Variants in KRT26 observed in about 807,000 individuals in gnomAD.
KRT26 encodes keratin 26, also known as keratin, type I cytoskeletal 26.
Under a neutral mutation model 46.1 loss-of-function variants are expected in KRT26, and 45 were observed. The ratio of observed to expected loss-of-function variants is 0.98; its 90% confidence interval spans 0.77 to 1.25. KRT26 has a LOEUF of 1.25. KRT26 is among the 50% of genes most tolerant of loss of function. The pLI, the probability that KRT26 is intolerant of heterozygous loss-of-function variation, is 0.00. For synonymous variants in KRT26, 191 were observed against 209.9 expected, an observed-to-expected ratio of 0.91 and a Z score of 0.78; for missense variants, 582 against 560.1, an observed-to-expected ratio of 1.04 and a Z score of -0.39.
At chr17:40,766,314 T>A in exon 8 of KRT26, 1 of 394,380 alleles carries the variant, frequency 2.5e-6, no homozygotes, top group Non-Finnish European at 4.4e-6. Context: ...CAGAGCAGGA[T>A]TTTTCTACTC....
chr17:40,769,976 G>A (rs1177995217), exon 4 of KRT26: 2 of 1,614,120 alleles, frequency 1.2e-6, no homozygotes, highest in East Asian at 2.2e-5. Context: ...CGTTGAACCA[G>A]GCTTCAGCAT....
At chr17:40,770,371 G>C (rs1460150792) in exon 3 of KRT26, 3 of 1,612,042 alleles carry the variant, frequency 1.9e-6, no homozygotes, top group Non-Finnish European at 2.5e-6. Flanking sequence ...ACTGGTGTCG[G>C]CCTCAACACT....
At position 40,771,575 on chromosome 17, in the gene KRT26, C is replaced by T. The variant is rs113893129; in HGVS notation, c.441+98G>A. ...GGAAATACAGAGTGAACAAATCTTACATCACATAAATTTGTTAGGCACATT... is the reference window on the plus strand; with the variant it reads ...GGAAATACAGAGTGAACAAATCTTATATCACATAAATTTGTTAGGCACATT... On this transcript the variant is annotated intron_variant, in intron 1 of 7. Transcript: ENST00000335552. 3.8e-5 allele frequency: 40 copies of T among 1,055,100 alleles called. No homozygotes were observed. In the African/African-American group the frequency reaches 4.8e-4, roughly 13 times the overall value. 65.4% of individuals were successfully genotyped at this position (1,055,100 alleles called of 1,614,324 possible). A position where few individuals can be genotyped will look rare whatever the true frequency, so the allele number is the denominator to read the frequency against.
chr17:40,767,651 T>C (rs1451390764), exon 7 of KRT26: 6 of 1,603,272 alleles, frequency 3.7e-6, no homozygotes, highest in Non-Finnish European at 5.1e-6. Context: ...GGATTTGCTT[T>C]TTCTGTGAAG....
intron 2 of KRT26, 79 bp from the exon 3 acceptor site, chr17:40,770,488 T>G: frequency 1.7e-6 from 2 of 1,153,648 alleles, no homozygotes; most frequent in South Asian, 3.0e-5. Context: ...TTTCATATGC[T>G]GAAAGATATG....
intron 5 of KRT26, 118 bp from the exon 6 acceptor site, chr17:40,769,214 G>C (rs2038197308): frequency 6.2e-6 from 4 of 643,458 alleles, no homozygotes; most frequent in South Asian, 2.2e-5. Flanking sequence ...GCTGAGTGCA[G>C]TGGCATGATC....
At chr17:40,770,015 A>G (rs2038207609) in exon 4 of KRT26, 2 of 1,614,156 alleles carry the variant, frequency 1.2e-6, no homozygotes, top group Non-Finnish European at 1.7e-6. Context: ...CCAAGTCCTC[A>G]TACTCAGCCC....
chr17:40,771,412 T>A (rs951880607), intron 1 of KRT26, among the ~76,000 whole-genome samples, 176 bp from the exon 2 acceptor site: 1 of 152,264 alleles, frequency 6.6e-6, no homozygotes, highest in Non-Finnish European at 1.5e-5. Context: ...AAGAGCCACA[T>A]AGATACTTTT....
chr17:40,771,662 C>T lies in KRT26; in HGVS notation c.441+11G>A, dbSNP rs765184090. 2.1e-5 allele frequency: 34 copies of T among 1,597,000 alleles called. No homozygotes were observed. Among genetic ancestry groups the T allele is most frequent in the Admixed American group, 2.1e-4 (12 of 58,280 alleles). Reference sequence around the variant, plus strand: ...GTCTGTAGTAAAAGTATGCAAATCCCTATTTCTTACCTGCCTTTTAAGATC... The same window carrying T: ...GTCTGTAGTAAAAGTATGCAAATCCTTATTTCTTACCTGCCTTTTAAGATC... On this transcript the variant is annotated intron_variant, in intron 1 of 7. Transcript: ENST00000335552.
intron 3 of KRT26, 42 bp downstream of exon 3, chr17:40,770,211 G>A (rs2038210528): frequency 6.2e-7 from 1 of 1,613,636 alleles, no homozygotes; most frequent in African/African-American, 1.3e-5. Flanking sequence ...CTTCAAGAAG[G>A]AAATTAGAAA....
At chr17:40,766,758 GAGA>G in intron 7 of KRT26, 92 bp from the exon 8 acceptor site, 1 of 903,860 alleles carries the variant, frequency 1.1e-6, no homozygotes, top group East Asian at 2.6e-5. Flanking sequence ...TTGTTTTTTT[GAGA>G]AGGAGTCTCG....
intron 6 of KRT26, 33 bp downstream of exon 6, chr17:40,768,846 G>A (rs749868869): frequency 5.3e-6 from 6 of 1,128,914 alleles, no homozygotes; most frequent in Non-Finnish European, 7.6e-6. Context: ...GTTAATGTGA[G>A]GTTTTTTTTT....
At chr17:40,769,833 G>A in exon 5 of KRT26, 3 of 1,614,180 alleles carry the variant, frequency 1.9e-6, no homozygotes. Flanking sequence ...TCTGGCTGCT[G>A]TGGCTGCTCC....
chr17:40,767,199 G>C (rs2038179098), intron 7 of KRT26, among the ~76,000 whole-genome samples: 1 of 152,150 alleles, frequency 6.6e-6, no homozygotes. Context: ...ATGAAACATG[G>C]ATTAAAACAA....
At chr17:40,766,275 G>A (rs1257198262) in exon 8 of KRT26, 5 of 328,040 alleles carry the variant, frequency 1.5e-5, no homozygotes, top group African/African-American at 6.4e-5. Context: ...GTCAAAAAAG[G>A]CCCCCAAAAT....
rs150758218 is a variant in KRT26 at position 40,766,599 on chromosome 17, T to C, written c.1323A>G (p.Ser441=). The stretch of plus-strand genomic sequence containing the variant: ...TTTCTTCAACTGAGTGGACTCTCAG[T>C]GAAAGGAGATTGCCAATTTGATCCA... The change falls in exon 8 of 8, where the codon TCA becomes TCG. Residue 441 remains serine, a synonymous_variant. Transcript: ENST00000335552. The C allele has an allele frequency of 2.9e-4, 469 of 1,613,250 alleles. 1 individual carries two copies. In the African/African-American group the frequency reaches 5.6e-3, roughly 19 times the overall value.
intron 6 of KRT26, 36 bp downstream of exon 6, chr17:40,768,843 T>G: frequency 8.3e-7 from 1 of 1,198,554 alleles, no homozygotes; most frequent in Non-Finnish European, 1.2e-6. Flanking sequence ...CTAGTTAATG[T>G]GAGGTTTTTT....
chr17:40,768,952 G>A lies in KRT26; in HGVS notation c.1114C>T (p.Gln372Ter), dbSNP rs201250906. ...AAAAATATTTTTACATCAAGAAGCT[G>A]TTCATACTCCAGCTTCTGGCCTTCT... is the stretch of plus-strand genomic sequence containing the variant. Residue 372 changes from glutamine to a stop codon, truncating the protein, a stop_gained, in exon 6 of 8, where the codon CAG (glutamine) becomes TAG (stop). Transcript: ENST00000335552. LOFTEE classifies it high-confidence loss of function. The A allele has an allele frequency of 6.2e-7, 1 of 1,611,710 alleles. No homozygotes were observed. The highest frequency in any genetic ancestry group is 1.1e-5 in the South Asian group (1 of 90,946).
chr17:40,770,334 C>G, exon 3 of KRT26: 1 of 1,614,054 alleles, frequency 6.2e-7, no homozygotes, highest in Non-Finnish European at 8.5e-7. Context: ...TACAAAGGGT[C>G]AGTTCATCCA....
Sources: allele counts gnomAD v4.1 joint callset (sites outside exome capture counted in the v4.1 genomes callset), GRCh38; gene constraint gnomAD v4.1.1; transcripts MANE v1.5; gene names NCBI Gene and HGNC (gene_info 2026-07-23, HGNC 2026-07-21).